EXOC4: variants seen among roughly 807,000 people sequenced by gnomAD.
EXOC4 encodes SEC8-like 1.
A neutral mutation model predicts 107.2 loss-of-function variants in EXOC4; 71 were observed. That is an observed-to-expected ratio of 0.66 (90% confidence interval 0.55 to 0.81). The LOEUF (loss-of-function observed/expected upper bound fraction) is 0.81, where lower values mean the gene tolerates loss of function less well. Ranked by LOEUF, EXOC4 falls within the 30% of genes least tolerant of loss-of-function variation. The pLI is 0.00. For synonymous variants in EXOC4, 456 were observed against 441.2 expected (o/e 1.03, Z -0.42); for missense variants, 1,108 against 1,189.6 (o/e 0.93, Z 1.01).
chr7:133,612,148 C>T (rs182070666), intron 9 of EXOC4, among the ~76,000 whole-genome samples: 73 of 152,228 alleles, frequency 4.8e-4, no homozygotes, highest in Non-Finnish European at 8.1e-4. Flanking sequence ...AAAAAGCTGA[C>T]TCAGACATTT....
chr7:133,917,511 AAG>A, intron 12 of EXOC4, 70 bp from the exon 13 acceptor site: 1 of 1,461,896 alleles, frequency 6.8e-7, no homozygotes, highest in Non-Finnish European at 9.4e-7. Context: ...TCCTGCAGCA[AAG>A]GTAGATGAAA....
At chr7:133,261,539 C>A (rs1321197551) in intron 1 of EXOC4, among the ~76,000 whole-genome samples, 8 of 152,074 alleles carry the variant, frequency 5.3e-5, no homozygotes, top group African/African-American at 1.9e-4. Context: ...CACCCGGGCA[C>A]CTTGTAGTTT....
intron 6 of EXOC4, among the ~76,000 whole-genome samples, chr7:133,373,317 A>T (rs1796416911): frequency 6.6e-6 from 1 of 152,192 alleles, no homozygotes; most frequent in South Asian, 2.1e-4. Flanking sequence ...TATGAATTTG[A>T]CCTTTAAGGA....
chr7:133,513,545 G>A (rs1190248172), intron 9 of EXOC4, among the ~76,000 whole-genome samples: 1 of 152,180 alleles, frequency 6.6e-6, no homozygotes, highest in African/African-American at 2.4e-5. Flanking sequence ...GTTTAGGTCT[G>A]ATTGTCCTTG....
At chr7:134,092,940 G>GAAAAAAAAAAA in the EXOC4 span, among the ~76,000 whole-genome samples, 3 of 126,244 alleles carry the variant, frequency 2.4e-5, no homozygotes, top group African/African-American at 1.0e-4. Context: ...AAAAAAAAAG[G>GAAAAAAAAAAA]AAACCAAAGA....
intron 14 of EXOC4, among the ~76,000 whole-genome samples, chr7:133,943,124 G>A (rs1800470408): frequency 6.6e-6 from 1 of 152,168 alleles, no homozygotes; most frequent in Non-Finnish European, 1.5e-5. Flanking sequence ...GGACAGTATA[G>A]GTATAGAACA....
intron 17 of EXOC4, 92 bp downstream of exon 17, chr7:134,007,927 A>T: frequency 8.3e-7 from 1 of 1,199,178 alleles, no homozygotes; most frequent in Non-Finnish European, 1.1e-6. Context: ...TTGGTGCAGA[A>T]AAAGCTTAGT....
intron 2 of EXOC4, 126 bp downstream of exon 2, chr7:133,275,297 A>C: frequency 1.4e-6 from 1 of 736,044 alleles, no homozygotes; most frequent in Non-Finnish European, 2.0e-6. Flanking sequence ...ACTTTTCAGG[A>C]GTTCTGCAGG....
At chr7:134,071,919 ACT>A in the EXOC4 span, among the ~76,000 whole-genome samples, 1 of 151,994 alleles carries the variant, frequency 6.6e-6, no homozygotes, top group African/African-American at 2.4e-5. Flanking sequence ...TGGTAGTCTG[ACT>A]CATCCATTCA....
At chr7:133,968,322 G>T (rs1801119232) in intron 14 of EXOC4, among the ~76,000 whole-genome samples, 1 of 152,108 alleles carries the variant, frequency 6.6e-6, no homozygotes, top group South Asian at 2.1e-4. Context: ...TTTAAATGGG[G>T]CATTTAGCCC....
At chr7:133,622,424 G>A (rs1452196744) in intron 9 of EXOC4, among the ~76,000 whole-genome samples, 2 of 152,052 alleles carry the variant, frequency 1.3e-5, no homozygotes, top group African/African-American at 4.8e-5. Flanking sequence ...CATCCAGGGA[G>A]CTCTCACCAG....
At chr7:133,825,940 C>G (rs936211407) in intron 11 of EXOC4, among the ~76,000 whole-genome samples, 7 of 152,126 alleles carry the variant, frequency 4.6e-5, no homozygotes, top group African/African-American at 1.4e-4. Flanking sequence ...TAATCTGATT[C>G]TTCAGTATTT....
intron 9 of EXOC4, among the ~76,000 whole-genome samples, chr7:133,603,799 T>G (rs141883585): frequency 4.6e-4 from 70 of 152,320 alleles, no homozygotes; most frequent in African/African-American, 1.6e-3. Context: ...GTAGATGTTA[T>G]GAATATCGTG....
intron 9 of EXOC4, among the ~76,000 whole-genome samples, chr7:133,525,650 A>G (rs1187924277): frequency 6.6e-6 from 1 of 152,228 alleles, no homozygotes; most frequent in Non-Finnish European, 1.5e-5. Flanking sequence ...TACAGGTACA[A>G]TAAATAAGAA....
chr7:133,654,062 A>T (rs1407204088), intron 10 of EXOC4, among the ~76,000 whole-genome samples: 1 of 152,208 alleles, frequency 6.6e-6, no homozygotes, highest in African/African-American at 2.4e-5. Flanking sequence ...TTTCTAATAG[A>T]TGGAGTTTTG....
At chr7:133,902,945 G>T (rs1348268324) in intron 12 of EXOC4, among the ~76,000 whole-genome samples, 1 of 152,214 alleles carries the variant, frequency 6.6e-6, no homozygotes, top group African/African-American at 2.4e-5. Context: ...TCAGGAGTGT[G>T]AGAGGAGCAG....
intron 17 of EXOC4, among the ~76,000 whole-genome samples, chr7:134,028,826 G>A (rs1039482241): frequency 6.6e-6 from 1 of 152,232 alleles, no homozygotes; most frequent in African/African-American, 2.4e-5. Context: ...GAGATTTAGT[G>A]TTGGGGCCAC....
intron 10 of EXOC4, among the ~76,000 whole-genome samples, chr7:133,669,581 T>G (rs983025919): frequency 7.2e-5 from 1 of 13,972 alleles, no homozygotes; most frequent in African/African-American, 1.8e-4. Flanking sequence ...AAGAACTATG[T>G]TCGCTAAATG....
chr7:133,260,278 T>G (rs866803821), intron 1 of EXOC4, among the ~76,000 whole-genome samples: 3 of 152,172 alleles, frequency 2.0e-5, no homozygotes, highest in Middle Eastern at 3.4e-3. Context: ...CTGTTTTTTT[T>G]TTTTTGTTTT....
Sources: allele counts gnomAD v4.1 joint callset (sites outside exome capture counted in the v4.1 genomes callset), GRCh38; gene constraint gnomAD v4.1.1; transcripts MANE v1.5; gene names NCBI Gene and HGNC (gene_info 2026-07-23, HGNC 2026-07-21).